The following DISP1 variants were observed in gnomAD, a reference collection of about 807,000 sequenced individuals.
DISP1 encodes the protein dispatched RND transporter family member 1, also known as protein dispatched homolog 1.
In DISP1, 30 loss-of-function variants were observed where a neutral mutation model predicts 37.3. The ratio of observed to expected loss-of-function variants is 0.80; its 90% CI spans 0.60 to 1.09. The LOEUF is 1.09. Among genes scored for constraint, DISP1 ranks in the 50% least tolerant of loss-of-function variants. The pLI, the probability that DISP1 is intolerant of heterozygous loss-of-function variation, is 0.00. For missense variants in DISP1, 1,598 were observed against 1,879.5 expected (o/e 0.85, Z 2.77); for synonymous variants, 634 against 690.2 (o/e 0.92, Z 1.28).
chr1:222,879,207 C>T (rs1379549652), intron 1 of DISP1, among the ~76,000 whole-genome samples: 1 of 152,118 alleles, frequency 6.6e-6, no homozygotes, highest in African/African-American at 2.4e-5. Flanking sequence ...TCTTAAGTGA[C>T]AGTCCATTCT....
intron 1 of DISP1, among the ~76,000 whole-genome samples, chr1:222,819,112 C>A (rs557901615): frequency 3.1e-4 from 47 of 152,286 alleles, no homozygotes; most frequent in African/African-American, 1.1e-3. Flanking sequence ...AGAGTTCTCA[C>A]AAAATCTGGT....
Position 222,820,746 on chromosome 1 carries a change from G to A in DISP1, c.-159+5668G>A, listed in dbSNP as rs77160718. ...CAAAATATGCATAGTAATACCTACC[G>A]TACATAGTCATTATAGGAAATACAA... On this transcript the variant is annotated intron_variant, in intron 1 of 8. Coordinates refer to ENST00000675850, the MANE Select transcript of DISP1 (RefSeq NM_001377229.1). 1.5e-4 allele frequency among the ~76,000 whole-genome samples: 23 copies of A among 152,158 alleles called. No homozygotes were observed. In the East Asian group the frequency reaches 4.2e-3, roughly 28 times the overall value.
At chr1:222,921,143 C>T (rs1672787536) in intron 1 of DISP1, among the ~76,000 whole-genome samples, 1 of 152,068 alleles carries the variant, frequency 6.6e-6, no homozygotes, top group Admixed American at 6.6e-5. Flanking sequence ...AACACCCTGT[C>T]TCTACTAAAA....
chr1:222,994,986 T>C lies in DISP1; in HGVS notation c.987+4T>C, dbSNP rs1161979699. On this transcript the variant is annotated splice_donor_region_variant and intron_variant, in intron 8 of 8. Transcript: ENST00000675850. ...GTGCAATGTAGATAATTCCAGGGTATGTAAGATAAAAACTAAAATCTCCTT... is the reference window on the plus strand; with the variant it reads ...GTGCAATGTAGATAATTCCAGGGTACGTAAGATAAAAACTAAAATCTCCTT... 4.4e-6 allele frequency: 7 copies of C among 1,607,024 alleles called. No homozygotes were observed. Among genetic ancestry groups the C allele is most frequent in the South Asian group, 1.1e-5 (1 of 90,962 alleles).
intron 3 of DISP1, among the ~76,000 whole-genome samples, chr1:222,980,855 C>A (rs747287830): frequency 6.6e-6 from 1 of 152,112 alleles, no homozygotes. Flanking sequence ...GAGGCCCAGG[C>A]GGGTGGGAGG....
chr1:222,985,389 C>T (rs1366944558), intron 4 of DISP1, among the ~76,000 whole-genome samples: 3 of 152,238 alleles, frequency 2.0e-5, no homozygotes, highest in South Asian at 2.1e-4. Context: ...CAGTGGCTCA[C>T]GCCTATAATC....
At chr1:222,978,472 C>T (rs1048681767) in intron 3 of DISP1, among the ~76,000 whole-genome samples, 5 of 152,106 alleles carry the variant, frequency 3.3e-5, no homozygotes, top group African/African-American at 1.2e-4. Context: ...CTGTAGGTTG[C>T]CTGTTCACTC....
chr1:222,888,201 A>C (rs1253892039), intron 1 of DISP1, among the ~76,000 whole-genome samples: 2 of 152,216 alleles, frequency 1.3e-5, no homozygotes, highest in Non-Finnish European at 2.9e-5. Flanking sequence ...TCCTGAGCTC[A>C]CTTCTAAGTG....
intron 1 of DISP1, among the ~76,000 whole-genome samples, chr1:222,888,981 T>C (rs993290464): frequency 6.6e-5 from 10 of 152,148 alleles, no homozygotes; most frequent in Admixed American, 2.6e-4. Context: ...TAATGTATAG[T>C]GATCAATCTG....
intron 1 of DISP1, chr1:222,837,534 T>C (rs1335832425): frequency 6.5e-6 from 1 of 153,686 alleles, no homozygotes; most frequent in Non-Finnish European, 1.4e-5. Flanking sequence ...CTACCATTTG[T>C]TAAATATTCA....
intron 1 of DISP1, among the ~76,000 whole-genome samples, chr1:222,912,432 C>T (rs1024954438): frequency 2.0e-5 from 3 of 152,186 alleles, no homozygotes; most frequent in African/African-American, 7.2e-5. Flanking sequence ...CTACTTTTCC[C>T]TCAGATTGCC....
intron 1 of DISP1, among the ~76,000 whole-genome samples, chr1:222,824,256 G>C (rs572060477): frequency 6.6e-6 from 1 of 152,122 alleles, no homozygotes; most frequent in African/African-American, 2.4e-5. Flanking sequence ...AATGATACTG[G>C]CCTCTATTTA....
At chr1:222,943,388 C>T in intron 3 of DISP1, 56 bp downstream of exon 3, 2 of 1,607,680 alleles carry the variant, frequency 1.2e-6, no homozygotes, top group Non-Finnish European at 1.7e-6. Flanking sequence ...GTGAACATGA[C>T]AGCTTGTGTT....
intron 1 of DISP1, among the ~76,000 whole-genome samples, chr1:222,838,586 A>T (rs1312834803): frequency 6.6e-6 from 1 of 151,988 alleles, no homozygotes; most frequent in East Asian, 1.9e-4. Context: ...CCTGGGCAAC[A>T]TAGTGAGACC....
rs772493389 is a variant in DISP1 at position 223,003,963 on chromosome 1, T to C, written c.2566T>C (p.Phe856Leu). The change falls in exon 9 of 9, where the codon TTC (phenylalanine) becomes CTC (leucine). Residue 856 changes from phenylalanine (F) to leucine (L), a missense_variant. Physicochemically the swap from Phe to Leu is conservative, Grantham distance 22. Transcript: ENST00000675850. This position sits in a 1 kb window ranked among gnomAD's most constrained non-coding sequence, Gnocchi z 4.3. ...QDFTSCFIET[F>L]KQWMENQDCD... ...CTTCACCAGCTGCTTCATTGAGACA[T>C]TCAAACAGTGGATGGAAAACCAGGA... 2 of 1,614,162 alleles carry C rather than the reference T, an allele frequency of 1.2e-6. No homozygotes were observed. Among genetic ancestry groups the C allele is most frequent in the Non-Finnish European group, 1.7e-6 (2 of 1,180,036 alleles).
At chr1:222,978,542 A>T (rs996926567) in intron 3 of DISP1, among the ~76,000 whole-genome samples, 2 of 152,176 alleles carry the variant, frequency 1.3e-5, no homozygotes, top group African/African-American at 4.8e-5. Context: ...CGATTTGTCA[A>T]TTTTGGCTTT....
At chr1:222,839,951 A>G (rs1487884831) in intron 1 of DISP1, among the ~76,000 whole-genome samples, 1 of 151,818 alleles carries the variant, frequency 6.6e-6, no homozygotes, top group Admixed American at 6.6e-5. Flanking sequence ...AAATGCATTT[A>G]GTACACCTAG....
At chr1:222,980,220 T>C (rs1304568067) in intron 3 of DISP1, among the ~76,000 whole-genome samples, 1 of 152,234 alleles carries the variant, frequency 6.6e-6, no homozygotes, top group Admixed American at 6.5e-5. Context: ...ATTTAAGGAA[T>C]GTATGTAGAA....
Position 223,005,125 on chromosome 1 carries a change from C to T in DISP1, c.3728C>T (p.Thr1243Ile). The stretch of plus-strand genomic sequence containing the variant: ...TACAACAGTGAACTCAGCAAAAGCA[C>T]TGAAAGTGACGCTGGCTCTGCCTTG... ...AAYNSELSKSTESDAGSALLQ... is the reference protein window; with the variant it reads ...AAYNSELSKSIESDAGSALLQ... Residue 1243 changes from threonine to isoleucine, a missense_variant, in exon 9 of 9, where the codon ACT (threonine) becomes ATT (isoleucine). By Grantham distance (89) the Thr-to-Ile change is moderately conservative (BLOSUM62 -1). Coordinates refer to ENST00000675850, the MANE Select transcript of DISP1 (RefSeq NM_001377229.1). The T allele has an allele frequency of 9.3e-6, 15 of 1,614,166 alleles. No individual in the cohort carries two copies. The highest frequency in any genetic ancestry group is 1.3e-5 in the Non-Finnish European group (15 of 1,180,012).
Sources: allele counts gnomAD v4.1 joint callset (sites outside exome capture counted in the v4.1 genomes callset), GRCh38; gene constraint gnomAD v4.1.1; non-coding constraint Gnocchi (gnomAD v3.1); transcripts MANE v1.5; gene names NCBI Gene and HGNC (gene_info 2026-07-23, HGNC 2026-07-21).